CALCRL: variants seen among roughly 807,000 people sequenced by gnomAD.
CALCRL encodes calcitonin gene-related peptide type 1 receptor.
A neutral mutation model predicts 60.4 loss-of-function variants in CALCRL; 27 were observed. The observed-to-expected ratio is 0.45, with a 90% CI of 0.33 to 0.62. The LOEUF is 0.62. Ranked by LOEUF, CALCRL falls within the 20% of genes least tolerant of loss-of-function variation. The pLI is 0.03. For synonymous variants in CALCRL, 190 were observed against 182.6 expected (o/e 1.04, Z -0.33); for missense variants, 424 against 540.7 (o/e 0.78, Z 2.14).
chr2:187,372,132 G>T, intron 8 of CALCRL, among the ~76,000 whole-genome samples: 1 of 150,828 alleles, frequency 6.6e-6, no homozygotes, highest in African/African-American at 2.4e-5. Flanking sequence ...TAGCAAAGAC[G>T]TTCTTTAAAA....
At chr2:187,405,749 G>A (rs1055270043) in intron 1 of CALCRL, among the ~76,000 whole-genome samples, 10 of 152,072 alleles carry the variant, frequency 6.6e-5, no homozygotes, top group African/African-American at 2.4e-4. Flanking sequence ...GAGATAAAAT[G>A]CAGACGGCTG....
chr2:187,437,411 G>A (rs551818443), intron 1 of CALCRL, among the ~76,000 whole-genome samples: 7 of 152,018 alleles, frequency 4.6e-5, no homozygotes, highest in African/African-American at 1.7e-4. Flanking sequence ...GCGTGATGGC[G>A]GCATATAGTA....
At chr2:187,370,905 T>C (rs976431995) in intron 8 of CALCRL, among the ~76,000 whole-genome samples, 6 of 152,228 alleles carry the variant, frequency 3.9e-5, no homozygotes, top group Non-Finnish European at 5.9e-5. Flanking sequence ...TGGATTTTTA[T>C]GTACACTAAC....
intron 14 of CALCRL, among the ~76,000 whole-genome samples, chr2:187,348,444 A>G (rs1047840966): frequency 2.6e-5 from 4 of 151,674 alleles, no homozygotes; most frequent in Non-Finnish European, 5.9e-5. Context: ...GCTTTGTATA[A>G]AAAATTCTAT....
chr2:187,395,238 G>A (rs563941763), intron 1 of CALCRL, among the ~76,000 whole-genome samples: 3 of 151,998 alleles, frequency 2.0e-5, no homozygotes, highest in Admixed American at 1.3e-4. Context: ...ATACTGACTC[G>A]GACAATGGAG....
intron 12 of CALCRL, 123 bp from the exon 13 acceptor site, chr2:187,352,455 G>T (rs1686575813): frequency 1.7e-6 from 1 of 604,894 alleles, no homozygotes; most frequent in South Asian, 2.3e-5. Flanking sequence ...ATTTTTAAAG[G>T]GTATTATTGC....
intron 1 of CALCRL, among the ~76,000 whole-genome samples, chr2:187,416,426 A>C (rs1378272593): frequency 6.6e-6 from 1 of 152,196 alleles, no homozygotes; most frequent in East Asian, 1.9e-4. Context: ...TAATAGATCC[A>C]AATAGATACA....
chr2:187,346,520 A>G (rs905406059), intron 14 of CALCRL, 121 bp from the exon 15 acceptor site: 1 of 637,894 alleles, frequency 1.6e-6, no homozygotes, highest in African/African-American at 1.8e-5. Context: ...AAGTTATGTT[A>G]ATCAGTGAAT....
chr2:187,363,376 A>G lies in CALCRL; in HGVS notation c.627T>C (p.Pro209=). The G allele has an allele frequency of 1.9e-6, 3 of 1,607,214 alleles. No homozygotes were observed. The highest frequency in any genetic ancestry group is 8.5e-7 in the Non-Finnish European group (1 of 1,177,146). ...AAGGGCACAATCTTGGTTTACTTAC[A>G]GGATTTGTGGCTACTAAGGCCTGGT... The part of the protein sequence containing the change: ...ANNQALVATN[P]VSCKVSQFIH... The change falls in exon 9 of 15, where the codon CCT becomes CCC. Residue 209 remains proline (P), a splice_region_variant and synonymous_variant. Transcript: ENST00000392370.
chr2:187,411,978 CAAAA>C (rs56075258), intron 1 of CALCRL, among the ~76,000 whole-genome samples: 2 of 61,472 alleles, frequency 3.3e-5, no homozygotes, highest in African/African-American at 5.9e-5. Flanking sequence ...GACTCTGTCT[CAAAA>C]AAAAAAAAAA....
At position 187,343,269 on chromosome 2, in the gene CALCRL, A is replaced by C. The variant is rs1392533514; in HGVS notation, c.*2915T>G. The C allele has an allele frequency of 2.6e-5, 4 of 151,740 alleles. No individual in the cohort carries two copies. The highest frequency in any genetic ancestry group is 6.6e-5 in the Admixed American group (1 of 15,172). 9.4% of individuals were successfully genotyped at this position (151,740 alleles called of 1,614,324 possible). ...ATGTTTATAAATTAGATTATTTGGC[A>C]CTGTAGTAAATATCAGTGAAAATAA... On this transcript the variant is annotated 3_prime_UTR_variant, in exon 15 of 15. Transcript: ENST00000392370.
At chr2:187,364,089 T>G (rs573260681) in intron 8 of CALCRL, among the ~76,000 whole-genome samples, 1 of 152,322 alleles carries the variant, frequency 6.6e-6, no homozygotes, top group South Asian at 2.1e-4. Context: ...TTTTTCTAAT[T>G]GGTGCAGCCA....
At chr2:187,367,343 T>C (rs1687342769) in intron 8 of CALCRL, among the ~76,000 whole-genome samples, 1 of 152,134 alleles carries the variant, frequency 6.6e-6, no homozygotes, top group Non-Finnish European at 1.5e-5. Flanking sequence ...CTGCCTAAAA[T>C]ACTATTTAGT....
At chr2:187,367,752 A>G (rs1687357703) in intron 8 of CALCRL, among the ~76,000 whole-genome samples, 1 of 152,070 alleles carries the variant, frequency 6.6e-6, no homozygotes, top group Admixed American at 6.6e-5. Flanking sequence ...AAATTTTATA[A>G]TATCCCTTTC....
At chr2:187,412,150 TC>T (rs745849414) in intron 1 of CALCRL, among the ~76,000 whole-genome samples, 1 of 152,060 alleles carries the variant, frequency 6.6e-6, no homozygotes, top group Non-Finnish European at 1.5e-5. Context: ...CCTGCATCCT[TC>T]CAGTTTTAGA....
intron 1 of CALCRL, among the ~76,000 whole-genome samples, chr2:187,435,487 A>G (rs1272229015): frequency 6.6e-6 from 1 of 152,158 alleles, no homozygotes; most frequent in African/African-American, 2.4e-5. Flanking sequence ...TTCAATATTC[A>G]ACCTTCATAT....
At chr2:187,408,967 G>C (rs149476719) in intron 1 of CALCRL, among the ~76,000 whole-genome samples, 4 of 152,006 alleles carry the variant, frequency 2.6e-5, no homozygotes, top group African/African-American at 7.2e-5. Flanking sequence ...ATTTTAAAGG[G>C]AGCATGAATA....
intron 1 of CALCRL, among the ~76,000 whole-genome samples, chr2:187,419,023 A>ATTTTTTTTTTTTTTTTT (rs33929530): frequency 1.2e-5 from 1 of 85,984 alleles, no homozygotes; most frequent in Non-Finnish European, 2.2e-5. Flanking sequence ...CGTCTGGCTA[A>ATTTTTTTTTTTTTTTTT]TTTTTTTTTT....
chr2:187,378,186 A>G (rs1229506143), intron 8 of CALCRL, among the ~76,000 whole-genome samples: 2 of 152,132 alleles, frequency 1.3e-5, no homozygotes, highest in Non-Finnish European at 2.9e-5. Flanking sequence ...TGGCAGCCAC[A>G]GGAGCAAAAG....
Sources: allele counts gnomAD v4.1 joint callset (sites outside exome capture counted in the v4.1 genomes callset), GRCh38; gene constraint gnomAD v4.1.1; transcripts MANE v1.5; gene names NCBI Gene and HGNC (gene_info 2026-07-23, HGNC 2026-07-21).